Variants in SPOCK1 observed in about 807,000 individuals in gnomAD.
The protein encoded by SPOCK1 is testican-1.
A neutral mutation model predicts 55.3 loss-of-function variants in SPOCK1; 23 were observed. The observed-to-expected ratio is 0.42, with a 90% CI of 0.30 to 0.59. The LOEUF is 0.59. SPOCK1 is among the 20% of genes least tolerant of loss of function. SPOCK1 has a pLI of 0.22. For synonymous variants in SPOCK1, 226 were observed against 221.0 expected (o/e 1.02, Z -0.20); for missense variants, 499 against 552.5 (o/e 0.90, Z 0.97).
chr5:137,296,066 C>A (rs10037945), intron 2 of SPOCK1, among the ~76,000 whole-genome samples: 21,939 of 152,110 alleles, frequency 0.14, 1,757 homozygotes, highest in Admixed American at 0.2. Flanking sequence ...ATAAAAGAGA[C>A]CCTGAAGAGA....
intron 2 of SPOCK1, among the ~76,000 whole-genome samples, chr5:137,325,052 A>C (rs1003908782): frequency 1.3e-5 from 2 of 152,230 alleles, no homozygotes; most frequent in Non-Finnish European, 2.9e-5. Flanking sequence ...TGTGTGTATA[A>C]ACAAACAAAA....
chr5:137,425,178 G>C (rs1289516384), intron 2 of SPOCK1, among the ~76,000 whole-genome samples: 1 of 74,560 alleles, frequency 1.3e-5, no homozygotes, highest in Non-Finnish European at 3.0e-5. Flanking sequence ...CAACACTTAA[G>C]ATTGGGCTTA....
chr5:137,165,210 G>A (rs1754624837), intron 3 of SPOCK1, among the ~76,000 whole-genome samples: 1 of 152,228 alleles, frequency 6.6e-6, no homozygotes, highest in South Asian at 2.1e-4. Context: ...CCTCCACATG[G>A]CTCAGAACAG....
chr5:137,237,290 G>A (rs977417126), intron 3 of SPOCK1, among the ~76,000 whole-genome samples: 15 of 152,166 alleles, frequency 9.9e-5, no homozygotes, highest in African/African-American at 3.4e-4. Context: ...GAATGGAAGA[G>A]TGGCAGTGTG....
At chr5:137,370,102 T>C (rs1030951087) in intron 2 of SPOCK1, among the ~76,000 whole-genome samples, 1 of 152,144 alleles carries the variant, frequency 6.6e-6, no homozygotes, top group South Asian at 2.1e-4. Flanking sequence ...AGGGTGAATG[T>C]AGGTAGAATT....
At chr5:137,444,882 C>T (rs1257039985) in intron 2 of SPOCK1, among the ~76,000 whole-genome samples, 1 of 152,222 alleles carries the variant, frequency 6.6e-6, no homozygotes, top group Non-Finnish European at 1.5e-5. Context: ...TCCCAGCTCC[C>T]AAGCTCACAT....
At chr5:137,009,842 G>C (rs184291803) in intron 6 of SPOCK1, among the ~76,000 whole-genome samples, 122 of 152,234 alleles carry the variant, frequency 8.0e-4, no homozygotes, top group African/African-American at 2.7e-3. Flanking sequence ...ATACAAAGAT[G>C]ATTAAGACAT....
At chr5:137,025,694 G>C (rs1383134735) in intron 6 of SPOCK1, among the ~76,000 whole-genome samples, 1 of 152,070 alleles carries the variant, frequency 6.6e-6, no homozygotes, top group East Asian at 1.9e-4. Flanking sequence ...AACAAGGAAG[G>C]ACAAAGAGAT....
At chr5:137,311,661 A>G (rs1757791653) in intron 2 of SPOCK1, among the ~76,000 whole-genome samples, 1 of 152,212 alleles carries the variant, frequency 6.6e-6, no homozygotes, top group Non-Finnish European at 1.5e-5. Flanking sequence ...TCCTTTTGAT[A>G]AATATCATGT....
At chr5:137,075,337 G>A (rs372695270) in intron 5 of SPOCK1, among the ~76,000 whole-genome samples, 2 of 152,220 alleles carry the variant, frequency 1.3e-5, no homozygotes, top group African/African-American at 2.4e-5. Flanking sequence ...CCACTCTCAG[G>A]TGTTGCAGTT....
chr5:137,088,874 A>G (rs1056890632), intron 5 of SPOCK1, among the ~76,000 whole-genome samples: 25 of 152,180 alleles, frequency 1.6e-4, no homozygotes, highest in Admixed American at 1.1e-3. Flanking sequence ...AAAAATTTGG[A>G]AAGAATGATG....
chr5:137,020,094 AAG>A (rs1235015774), intron 6 of SPOCK1, among the ~76,000 whole-genome samples: 2 of 151,816 alleles, frequency 1.3e-5, no homozygotes, highest in African/African-American at 4.8e-5. Flanking sequence ...AAATAGGAAA[AAG>A]AATCCAAAAT....
chr5:137,273,974 A>G lies in SPOCK1; in HGVS notation c.187-6919T>C, dbSNP rs1032376552. ...CTGATTCAAGGATCATCACCAACAC[A>G]AAGAGCTCCCTCTTCTTAGGGACTT... On this transcript the variant is annotated intron_variant, in intron 2 of 10. Coordinates refer to ENST00000394945, the MANE Select transcript of SPOCK1 (RefSeq NM_004598.4). Among the ~76,000 whole-genome samples the G allele has an allele frequency of 5.3e-5, 8 of 152,178 alleles. 1 individual carries two copies. Among genetic ancestry groups the G allele is most frequent in the African/African-American group, 1.9e-4 (8 of 41,452 alleles).
intron 6 of SPOCK1, among the ~76,000 whole-genome samples, chr5:137,035,739 G>A (rs1751873233): frequency 6.6e-6 from 1 of 152,170 alleles, no homozygotes. Context: ...AGCTGTGGTG[G>A]GGAGCATGTG....
Position 136,978,541 on chromosome 5 carries a change from A to C in SPOCK1, c.*113T>G. The C allele has an allele frequency of 8.5e-6, 10 of 1,183,030 alleles. No homozygotes were observed. Among genetic ancestry groups the C allele is most frequent in the South Asian group, 1.6e-5 (1 of 61,222 alleles). The allele number at this position is 1,183,030 out of a possible 1,614,324, so 73.3% of individuals were successfully genotyped here. A position where few individuals can be genotyped will look rare whatever the true frequency, so the allele number is the denominator to read the frequency against. On this transcript the variant is annotated 3_prime_UTR_variant, in exon 11 of 11. Transcript: ENST00000394945. ...GTCTTCCAAACCTTAGGTCGGGTAT[A>C]GAGAGCAACAATGGAGAAGAGACCT...
At chr5:137,027,058 G>A (rs1751691199) in intron 6 of SPOCK1, among the ~76,000 whole-genome samples, 1 of 152,066 alleles carries the variant, frequency 6.6e-6, no homozygotes, top group Non-Finnish European at 1.5e-5. Flanking sequence ...TTTATTTTCT[G>A]AAAAACTCCA....
chr5:137,312,739 A>G (rs1312913628), intron 2 of SPOCK1, among the ~76,000 whole-genome samples: 2 of 152,178 alleles, frequency 1.3e-5, no homozygotes, highest in African/African-American at 4.8e-5. Context: ...AAGCACCCAC[A>G]GGGGCTGTGT....
chr5:137,045,017 C>A (rs1481500131), intron 6 of SPOCK1, among the ~76,000 whole-genome samples: 1 of 131,586 alleles, frequency 7.6e-6, no homozygotes, highest in East Asian at 2.2e-4. Context: ...TGTATATGTG[C>A]CACATTTTCT....
chr5:137,440,340 G>A (rs1472277278), intron 2 of SPOCK1, among the ~76,000 whole-genome samples: 1 of 152,088 alleles, frequency 6.6e-6, no homozygotes, highest in Non-Finnish European at 1.5e-5. Flanking sequence ...AAAGACAAAG[G>A]AAGAAGACAG....
Sources: gnomAD v4.1 joint callset for allele counts (sites outside exome capture counted in the v4.1 genomes callset) on GRCh38, gnomAD v4.1.1 for gene constraint, MANE v1.5 for transcripts, NCBI Gene and HGNC (gene_info 2026-07-23, HGNC 2026-07-21) for gene names.